TEX14: variants seen among roughly 807,000 people sequenced by gnomAD.
The protein encoded by TEX14 is testis expressed 14, intercellular bridge forming factor.
In TEX14, 168 loss-of-function variants were observed where a neutral mutation model predicts 178.6. The ratio of observed to expected loss-of-function variants is 0.94; its 90% CI spans 0.83 to 1.07. TEX14 has a LOEUF of 1.07. TEX14 is among the 50% of genes least tolerant of loss of function. The probability of loss-of-function intolerance (pLI) is 0.00; values close to 1 mark genes in which losing one functional copy is unlikely to be tolerated. For missense variants in TEX14, 1,730 were observed against 1,753.6 expected (o/e 0.99, Z 0.24); for synonymous variants, 626 against 634.1 (o/e 0.99, Z 0.19).
At chr17:58,590,276 A>AC (rs1051901750) in intron 15 of TEX14, among the ~76,000 whole-genome samples, 3 of 151,314 alleles carry the variant, frequency 2.0e-5, no homozygotes, top group African/African-American at 7.3e-5. Context: ...AAAAAAAAAA[A>AC]AAAACCATGA....
At chr17:58,676,204 C>T (rs1161971051) in intron 1 of TEX14, among the ~76,000 whole-genome samples, 1 of 152,082 alleles carries the variant, frequency 6.6e-6, no homozygotes, top group Admixed American at 6.6e-5. Context: ...GGTGAAACCC[C>T]ATCTCTACTA....
intron 12 of TEX14, 106 bp from the exon 13 acceptor site, chr17:58,602,062 T>C (rs1263081438): frequency 4.1e-6 from 5 of 1,207,432 alleles, no homozygotes; most frequent in East Asian, 2.4e-5. Context: ...TTATTCCTGT[T>C]GGGTAGACTG....
chr17:58,587,843 A>AAC, intron 16 of TEX14, 53 bp downstream of exon 16: 1 of 1,118,858 alleles, frequency 8.9e-7, no homozygotes, highest in Non-Finnish European at 1.4e-6. Flanking sequence ...GGGTGCCAGA[A>AAC]CCCACCCCCA....
At chr17:58,683,190 T>C (rs2047530211) in intron 1 of TEX14, among the ~76,000 whole-genome samples, 1 of 149,614 alleles carries the variant, frequency 6.7e-6, no homozygotes, top group African/African-American at 2.5e-5. Flanking sequence ...CTGGGCAACA[T>C]AGCAAAACCC....
At chr17:58,608,222 C>G (rs929568377) in intron 10 of TEX14, among the ~76,000 whole-genome samples, 1 of 152,120 alleles carries the variant, frequency 6.6e-6, no homozygotes, top group African/African-American at 2.4e-5. Flanking sequence ...TCAAGACCAT[C>G]CTGGCCAACA....
rs778068338 is a variant in TEX14, at chr17:58,557,817, C to A, written c.4301G>T (p.Gly1434Val). The A allele has an allele frequency of 3.7e-6, 6 of 1,612,200 alleles. No individual in the cohort carries two copies. The Admixed American group carries it at 6.7e-5, about 18-fold the overall frequency. The part of the protein sequence containing the change: ...ELKSCFWKRL[G>V]WSESSRIIVL... ...TCATTACCTGGATGATTCGGACCAACCTAGTCGCTTCCAAAAACAGGATTT... is the reference window on the plus strand; with the variant it reads ...TCATTACCTGGATGATTCGGACCAAACTAGTCGCTTCCAAAAACAGGATTT... The change falls in exon 31 of 32, where the codon GGT becomes GTT. Residue 1434 changes from glycine (G) to valine (V), a missense_variant. Physicochemically the swap from Gly to Val is moderately radical, Grantham distance 109 (BLOSUM62 -3). Transcript: ENST00000349033.
rs2045457467 is a variant in TEX14, at chr17:58,601,860, A to C, written c.1624T>G (p.Ser542Ala). Residue 542 changes from serine (S) to alanine (A), a missense_variant, in exon 13 of 32, where the codon TCA becomes GCA. Transcript: ENST00000349033. Reference sequence around the variant, plus strand: ...TCAGGTGTCTCTCTGGGGTGTTCTGAAGTCAGTCCTAGATAGACATTGACA... The same window carrying C: ...TCAGGTGTCTCTCTGGGGTGTTCTGCAGTCAGTCCTAGATAGACATTGACA... ...PDVNVYLGLT[S>A]EHPRETPDME... 1 of 1,613,408 alleles carries C rather than the reference A, an allele frequency of 6.2e-7. No homozygotes were observed.
chr17:58,674,478 T>C (rs2047358138), intron 1 of TEX14, among the ~76,000 whole-genome samples: 1 of 151,976 alleles, frequency 6.6e-6, no homozygotes, highest in Non-Finnish European at 1.5e-5. Flanking sequence ...ACAACCAGCC[T>C]GGCCAACGTG....
At chr17:58,572,609 G>C (rs1253605185) in intron 23 of TEX14, among the ~76,000 whole-genome samples, 1 of 150,602 alleles carries the variant, frequency 6.6e-6, no homozygotes, top group Admixed American at 6.6e-5. Context: ...TCCGGCCTGG[G>C]CAACAGAGTG....
chr17:58,621,564 G>A, intron 5 of TEX14, 86 bp downstream of exon 5: 1 of 1,389,428 alleles, frequency 7.2e-7, no homozygotes, highest in Non-Finnish European at 9.8e-7. Context: ...CTGATGTGGA[G>A]GAGCTGAGGC....
chr17:58,602,638 T>A, intron 11 of TEX14, 48 bp from the exon 12 acceptor site: 1 of 1,488,854 alleles, frequency 6.7e-7, no homozygotes, highest in Non-Finnish European at 9.2e-7. Context: ...AACCAAAGAG[T>A]GGAGTGGGGG....
At chr17:58,643,462 G>A (rs1033021948) in intron 2 of TEX14, among the ~76,000 whole-genome samples, 3 of 151,830 alleles carry the variant, frequency 2.0e-5, no homozygotes, top group African/African-American at 4.8e-5. Flanking sequence ...TTTCAACCAC[G>A]TTGCTCAAAA....
At chr17:58,598,684 G>A (rs1310471588) in intron 14 of TEX14, among the ~76,000 whole-genome samples, 192 bp downstream of exon 14, 1 of 152,136 alleles carries the variant, frequency 6.6e-6, no homozygotes, top group Admixed American at 6.6e-5. Flanking sequence ...CCTCCACATA[G>A]GTTAGGGGCA....
chr17:58,665,385 G>C (rs1598429696), intron 1 of TEX14, among the ~76,000 whole-genome samples: 1 of 150,918 alleles, frequency 6.6e-6, no homozygotes, highest in East Asian at 2.0e-4. Context: ...AGGATGGCTT[G>C]AGGCCAGCAG....
At chr17:58,572,382 G>A (rs1293720440) in intron 23 of TEX14, among the ~76,000 whole-genome samples, 1 of 152,170 alleles carries the variant, frequency 6.6e-6, no homozygotes, top group Non-Finnish European at 1.5e-5. Flanking sequence ...TGTAATCCCA[G>A]CACTTTGTGG....
intron 1 of TEX14, among the ~76,000 whole-genome samples, chr17:58,667,967 G>A (rs939506489): frequency 1.3e-5 from 2 of 151,594 alleles, no homozygotes; most frequent in African/African-American, 4.9e-5. Flanking sequence ...CCTTCTCATA[G>A]GCCAGTCTGT....
intron 26 of TEX14, chr17:58,568,059 C>T (rs538002374): frequency 6.6e-6 from 1 of 152,276 alleles, no homozygotes; most frequent in Non-Finnish European, 1.5e-5. Context: ...GTGACCTCCA[C>T]TCTCAGCAGT....
intron 1 of TEX14, among the ~76,000 whole-genome samples, chr17:58,653,233 GT>G (rs2046877158): frequency 6.6e-6 from 1 of 152,200 alleles, no homozygotes; most frequent in African/African-American, 2.4e-5. Context: ...ACGGCGCCTG[GT>G]CTGAGAGTTT....
Position 58,601,788 on chromosome 17 carries a change from T to C in TEX14, c.1678+18A>G, listed in dbSNP as rs761523935. On this transcript the variant is annotated intron_variant, in intron 13 of 31. Coordinates refer to ENST00000349033, the MANE Select transcript of TEX14 (RefSeq NM_031272.5). ...ACATTTGTGTCAAACTAACACAACC[T>C]GTGAATTAAGGCCATACCCATTTCC... 3 of 1,607,254 alleles carry C rather than the reference T, an allele frequency of 1.9e-6. No homozygotes were observed. The highest frequency in any genetic ancestry group is 1.7e-6 in the Non-Finnish European group (2 of 1,176,226).
Sources: gnomAD v4.1 joint callset for allele counts (sites outside exome capture counted in the v4.1 genomes callset) on GRCh38, gnomAD v4.1.1 for gene constraint, MANE v1.5 for transcripts, NCBI Gene and HGNC (gene_info 2026-07-23, HGNC 2026-07-21) for gene names.